Variants in SWAP70 observed in about 807,000 individuals in gnomAD.
SWAP70 encodes the protein switch-associated protein 70.
A neutral mutation model predicts 80.2 loss-of-function variants in SWAP70; 34 were observed. That is an observed-to-expected ratio of 0.42 (90% CI 0.32 to 0.56). The LOEUF (loss-of-function observed/expected upper bound fraction) is 0.56. SWAP70 is among the 20% of genes least tolerant of loss of function. The pLI is 0.09. For synonymous variants in SWAP70, 239 were observed against 238.5 expected (o/e 1.00, Z -0.02); for missense variants, 578 against 690.7 (o/e 0.84, Z 1.83).
intron 3 of SWAP70, among the ~76,000 whole-genome samples, chr11:9,723,562 G>A (rs1224689884): frequency 6.6e-6 from 1 of 152,114 alleles, no homozygotes; most frequent in Non-Finnish European, 1.5e-5. Flanking sequence ...ACATGGATGT[G>A]TGAATGGTGT....
chr11:9,746,684 C>T (rs1236570193), intron 9 of SWAP70, among the ~76,000 whole-genome samples: 1 of 152,232 alleles, frequency 6.6e-6, no homozygotes, highest in East Asian at 1.9e-4. Context: ...AAAGGGCTAT[C>T]ACAGGGAAGA....
chr11:9,735,100 T>C (rs1273099273), intron 7 of SWAP70, among the ~76,000 whole-genome samples: 2 of 152,206 alleles, frequency 1.3e-5, no homozygotes, highest in Non-Finnish European at 2.9e-5. Flanking sequence ...TTAAAAAATA[T>C]AATCATTTGG....
chr11:9,671,513 T>TATATATATAA (rs1356780668), intron 1 of SWAP70, among the ~76,000 whole-genome samples: 1 of 87,084 alleles, frequency 1.1e-5, no homozygotes, highest in African/African-American at 4.3e-5. Context: ...TATATATAAA[T>TATATATATAA]ATATATATAA....
chr11:9,684,751 G>T (rs888419985), intron 1 of SWAP70, among the ~76,000 whole-genome samples: 1 of 152,064 alleles, frequency 6.6e-6, no homozygotes, highest in Non-Finnish European at 1.5e-5. Context: ...TAAATGCAAA[G>T]ACCCAGATCT....
chr11:9,724,881 A>G lies in SWAP70; in HGVS notation c.638A>G (p.Lys213Arg). The part of the protein sequence containing the change: ...VFNELILDVL[K>R]QGYMMKKGHR... ...AATGAACTTATATTAGATGTGTTAA[A>G]GCAGGTAAGAATTCTGTTACTGTTT... Residue 213 changes from lysine to arginine, a missense_variant, in exon 4 of 12, where the codon AAG becomes AGG. Physicochemically the swap from Lys to Arg is conservative, Grantham distance 26. Coordinates refer to ENST00000318950, the MANE Select transcript of SWAP70 (RefSeq NM_015055.4). 1 of 1,574,546 alleles carries G rather than the reference A, an allele frequency of 6.4e-7. No individual in the cohort carries two copies. Among genetic ancestry groups the G allele is most frequent in the Non-Finnish European group, 8.7e-7 (1 of 1,152,426 alleles).
At chr11:9,720,074 T>C (rs1019410039) in intron 3 of SWAP70, 2 of 985,292 alleles carry the variant, frequency 2.0e-6, no homozygotes, top group African/African-American at 3.5e-5. Context: ...TTAGAATTGA[T>C]GCAGGCCACT....
intron 2 of SWAP70, among the ~76,000 whole-genome samples, chr11:9,701,247 C>T (rs1481434364): frequency 2.6e-5 from 4 of 151,692 alleles, no homozygotes; most frequent in African/African-American, 9.7e-5. Context: ...TCTTGGCTCA[C>T]TGCAACCTCC....
intron 1 of SWAP70, among the ~76,000 whole-genome samples, chr11:9,667,915 G>A (rs938784707): frequency 2.6e-5 from 4 of 151,890 alleles, no homozygotes; most frequent in Non-Finnish European, 1.5e-5. Flanking sequence ...TTGAGACGGA[G>A]TGTCGCTTTA....
intron 9 of SWAP70, 26 bp downstream of exon 9, chr11:9,740,373 C>T (rs1851420104): frequency 6.2e-7 from 1 of 1,612,604 alleles, no homozygotes; most frequent in Admixed American, 1.7e-5. Context: ...GCAGACTTTG[C>T]CTTTATGTAC....
intron 7 of SWAP70, among the ~76,000 whole-genome samples, chr11:9,737,773 G>A (rs1049102393): frequency 6.6e-6 from 1 of 152,244 alleles, no homozygotes. Context: ...GTGTGTGCCT[G>A]TAGTCCCGGC....
chr11:9,749,207 A>G, intron 11 of SWAP70, 24 bp downstream of exon 11: 4 of 1,247,408 alleles, frequency 3.2e-6, no homozygotes, highest in Non-Finnish European at 4.3e-6. Context: ...TGAAGTAATC[A>G]TATATTTATT....
Position 9,680,283 on chromosome 11 carries a change from G to T in SWAP70, c.100-13863G>T, listed in dbSNP as rs139381095. On this transcript the variant is annotated intron_variant, in intron 1 of 11. Transcript: ENST00000318950. ...TGACCACTCTAAGCCGTGCCATCCA[G>T]TGTTAGCCAGTAGCCACGTTTGGCT... is the stretch of plus-strand genomic sequence containing the variant. Among the ~76,000 whole-genome samples, 31 of 152,300 alleles carry T rather than the reference G, an allele frequency of 2.0e-4. No homozygotes were observed. In the East Asian group the frequency reaches 5.4e-3, roughly 27 times the overall value.
chr11:9,666,176 C>G (rs1250643057), intron 1 of SWAP70, among the ~76,000 whole-genome samples: 1 of 150,130 alleles, frequency 6.7e-6, no homozygotes, highest in African/African-American at 2.5e-5. Flanking sequence ...ACGTCTGTCT[C>G]CTAGGTTCTA....
chr11:9,679,259 A>G (rs1850537923), intron 1 of SWAP70, among the ~76,000 whole-genome samples: 1 of 152,228 alleles, frequency 6.6e-6, no homozygotes, highest in Non-Finnish European at 1.5e-5. Context: ...GAATGGTGTT[A>G]TGTGGGCATG....
In SWAP70 at chr11:9,725,530, AATATATATATAT is replaced by A. The variant is rs1211819180; in HGVS notation, c.642+674_642+685del. Among the ~76,000 whole-genome samples the A allele has an allele frequency of 4.2e-3, 255 of 60,510 alleles. 3 individuals carry two copies. The highest frequency in any genetic ancestry group is 0.015 in the African/African-American group (225 of 14,936). 39.7% of individuals were successfully genotyped at this position (60,510 alleles called of 152,430 possible). A position where few individuals can be genotyped will look rare whatever the true frequency, so the allele number is the denominator to read the frequency against. On this transcript the variant is annotated intron_variant, in intron 4 of 11. Coordinates refer to ENST00000318950, the MANE Select transcript of SWAP70 (RefSeq NM_015055.4). ...AACCCTGTCTGTATTAAAAATACAAAATATATATATATATATATATATATATATATATATATA... is the reference window on the plus strand; with the variant it reads ...AACCCTGTCTGTATTAAAAATACAAAATATATATATATATATATATATATA...
In SWAP70 at chr11:9,693,822, T is replaced by TC. The variant is rs543779988; in HGVS notation, c.100-316dup. ...AATTTTGAACACATTCTCTTAGACT[T>TC]CCCCCCCCACCCCACTTTTCTTTCT... On this transcript the variant is annotated intron_variant, in intron 1 of 11. Transcript: ENST00000318950. Among the ~76,000 whole-genome samples the TC allele has an allele frequency of 6.8e-3, 1,018 of 150,714 alleles. 7 individuals carry two copies. The highest frequency in any genetic ancestry group is 0.011 in the Non-Finnish European group (754 of 67,674).
chr11:9,692,654 C>G (rs1850711055), intron 1 of SWAP70, among the ~76,000 whole-genome samples: 1 of 152,088 alleles, frequency 6.6e-6, no homozygotes, highest in Non-Finnish European at 1.5e-5. Context: ...TTCTTTAATA[C>G]TTGTATTTCC....
At chr11:9,740,568 T>C (rs2133816094) in intron 9 of SWAP70, 1 of 561,338 alleles carries the variant, frequency 1.8e-6, no homozygotes, top group Non-Finnish European at 3.2e-6. Context: ...TGGGGCTAAA[T>C]AAGGGCCTAT....
intron 3 of SWAP70, among the ~76,000 whole-genome samples, chr11:9,721,983 A>G (rs568420152): frequency 5.9e-5 from 9 of 152,342 alleles, no homozygotes; most frequent in African/African-American, 2.2e-4. Flanking sequence ...AAATAATTAC[A>G]TAATCTTCGT....
Sources: allele counts gnomAD v4.1 joint callset (sites outside exome capture counted in the v4.1 genomes callset), GRCh38; gene constraint gnomAD v4.1.1; transcripts MANE v1.5; gene names NCBI Gene and HGNC (gene_info 2026-07-23, HGNC 2026-07-21).